The following PDGFB variants were observed in gnomAD, a reference collection of about 807,000 sequenced individuals.
PDGFB encodes platelet-derived growth factor subunit B.
In PDGFB, 6 loss-of-function variants were observed where a neutral mutation model predicts 29.0. That is an observed-to-expected ratio of 0.21 (90% CI 0.11 to 0.41). The LOEUF is 0.41. Among genes scored for constraint, PDGFB ranks in the 10% least tolerant of loss-of-function variants. The pLI, the probability that PDGFB is intolerant of heterozygous loss-of-function variation, is 1.00. For synonymous variants in PDGFB, 144 were observed against 140.8 expected (o/e 1.02, Z -0.16); for missense variants, 299 against 341.8 (o/e 0.87, Z 0.99).
At chr22:39,237,136 G>A (rs1466246957) in intron 1 of PDGFB, among the ~76,000 whole-genome samples, 1 of 152,108 alleles carries the variant, frequency 6.6e-6, no homozygotes, top group African/African-American at 2.4e-5. Context: ...GAGCGAGGGA[G>A]AGGAGAAGAG....
Position 39,231,693 on chromosome 22 carries a change from G to C in PDGFB, c.385C>G (p.Arg129Gly). The C allele has an allele frequency of 6.2e-7, 1 of 1,604,314 alleles. No individual in the cohort carries two copies. Among genetic ancestry groups the C allele is most frequent in the Non-Finnish European group, 8.5e-7 (1 of 1,176,186 alleles). Residue 129 changes from arginine (R) to glycine (G), a missense_variant, in exon 4 of 7, where the codon CGC (arginine) becomes GGC (glycine). Transcript: ENST00000331163. The surrounding 1 kb of genome is among the most constrained non-coding windows in gnomAD (Gnocchi z 4.3). ...CGGTTGTTGCAGCAGCCGGAGCAGC[G>C]CTGCACCTCCACACAGGGCGGCCAC... ...LVWPPCVEVQ[R>G]CSGCCNNRNV...
chr22:39,244,135 C>T lies in PDGFB; in HGVS notation c.-172G>A. On this transcript the variant is annotated 5_prime_UTR_variant, in exon 1 of 7. Coordinates refer to ENST00000331163, the MANE Select transcript of PDGFB (RefSeq NM_002608.4). This position sits in a 1 kb window ranked among gnomAD's most constrained non-coding sequence, Gnocchi z 4.5. ...CCCGCATGGCCCCCGGGCGCCGCCG[C>T]CCCCGGCCCCGGCTCCGTCGCTGGG... 1 of 309,790 alleles carries T rather than the reference C, an allele frequency of 3.2e-6. No homozygotes were observed. 19.2% of individuals were successfully genotyped at this position (309,790 alleles called of 1,614,324 possible).
At chr22:39,234,816 T>C (rs997789861) in intron 2 of PDGFB, among the ~76,000 whole-genome samples, 1 of 152,176 alleles carries the variant, frequency 6.6e-6, no homozygotes, top group African/African-American at 2.4e-5. Context: ...ACCAGGGGTG[T>C]GGAGGGGCCG....
Position 39,244,338 on chromosome 22 carries a change from T to A in PDGFB, c.-375A>T, listed in dbSNP as rs972525036. 5.0e-6 allele frequency: 1 copy of A among 199,764 alleles called. No homozygotes were observed. Among genetic ancestry groups the A allele is most frequent in the African/African-American group, 2.3e-5 (1 of 43,216 alleles). The allele number at this position is 199,764 out of a possible 1,614,324, so 12.4% of individuals were successfully genotyped here. On this transcript the variant is annotated 5_prime_UTR_variant, in exon 1 of 7. Transcript: ENST00000331163. This position sits in a 1 kb window ranked among gnomAD's most constrained non-coding sequence, Gnocchi z 4.5. ...AGAGGAAAAGGAACACGGCAGTCGA[T>A]GGTTCGTCTTCACTCGCCGGCTACA...
Position 39,225,791 on chromosome 22 carries a change from T to TG in PDGFB, c.657dup (p.Lys220GlnfsTer12), listed in dbSNP as rs1274478632. On this transcript the variant is annotated frameshift_variant, in exon 6 of 7. Transcript: ENST00000331163. LOFTEE classifies it high-confidence loss of function. The stretch of plus-strand genomic sequence containing the variant: ...TGCTTGAATTTCCGGTGCTTGCCCT[T>TG]GGGGGGCCGGCGGACTCGCACCGTC... 1 of 1,614,144 alleles carries TG rather than the reference T, an allele frequency of 6.2e-7. No homozygotes were observed. The highest frequency in any genetic ancestry group is 8.5e-7 in the Non-Finnish European group (1 of 1,180,006).
rs1251524431 is a variant in PDGFB, at chr22:39,243,077, G to A, written c.63+824C>T. The A allele has an allele frequency of 4.3e-6, 1 of 233,206 alleles. No homozygotes were observed. The allele number at this position is 233,206 out of a possible 1,614,324, so 14.4% of individuals were successfully genotyped here. A position where few individuals can be genotyped will look rare whatever the true frequency, so the allele number is the denominator to read the frequency against. ...CGGCGCGCTCCGCACCCTGCATGCG[G>A]GGGAGAGAGGTGCTTCCTCCTGCAG... On this transcript the variant is annotated intron_variant, in intron 1 of 6. Transcript: ENST00000331163. The surrounding 1 kb of genome is among the most constrained non-coding windows in gnomAD (Gnocchi z 6.4).
At chr22:39,233,148 CTG>C (rs1448566490) in intron 3 of PDGFB, among the ~76,000 whole-genome samples, 1 of 152,204 alleles carries the variant, frequency 6.6e-6, no homozygotes, top group African/African-American at 2.4e-5. Flanking sequence ...GTTTCCAACT[CTG>C]TGAAATGGGG....
chr22:39,228,893 A>AAAAAAAATATATATATATATAT (rs1184799325), intron 5 of PDGFB, among the ~76,000 whole-genome samples: 2 of 132,520 alleles, frequency 1.5e-5, no homozygotes, highest in Admixed American at 7.6e-5. Context: ...CCTCAAAAAA[A>AAAAAAAATATATATATATATAT]ATATATATAT....
chr22:39,242,704 C>A lies in PDGFB; in HGVS notation c.63+1197G>T, dbSNP rs879914248. ...CAGCCCAAGGCCGGGCCGCGGCCTC[C>A]GAGCCCTCCGCCTTAACCCCTTCGC... On this transcript the variant is annotated intron_variant, in intron 1 of 6. Transcript: ENST00000331163. This position sits in a 1 kb window ranked among gnomAD's most constrained non-coding sequence, Gnocchi z 5.7. Among the ~76,000 whole-genome samples the A allele has an allele frequency of 3.3e-5, 5 of 152,030 alleles. No individual in the cohort carries two copies. The highest frequency in any genetic ancestry group is 1.2e-4 in the African/African-American group (5 of 41,424).
chr22:39,243,508 T>G lies in PDGFB; in HGVS notation c.63+393A>C, dbSNP rs1387358895. ...GGCAAGCCGATGGCAGGACAGAGCC[T>G]AAGCCGAGGCTGGCGCCGAAGTGGG... On this transcript the variant is annotated intron_variant, in intron 1 of 6. Coordinates refer to ENST00000331163, the MANE Select transcript of PDGFB (RefSeq NM_002608.4). The surrounding 1 kb of genome is among the most constrained non-coding windows in gnomAD (Gnocchi z 6.4). 6.6e-6 allele frequency among the ~76,000 whole-genome samples: 1 copy of G among 152,138 alleles called. No homozygotes were observed. Among genetic ancestry groups the G allele is most frequent in the South Asian group, 2.1e-4 (1 of 4,828 alleles).
intron 1 of PDGFB, among the ~76,000 whole-genome samples, chr22:39,241,321 A>T (rs1301010534): frequency 6.6e-6 from 1 of 152,196 alleles, no homozygotes; most frequent in Non-Finnish European, 1.5e-5. Context: ...CTCCACCAGC[A>T]GGCCTGCCCT....
At chr22:39,240,053 C>T (rs923502022) in intron 1 of PDGFB, among the ~76,000 whole-genome samples, 11 of 152,220 alleles carry the variant, frequency 7.2e-5, no homozygotes, top group Non-Finnish European at 1.0e-4. Context: ...GAAGCCCTCT[C>T]GGGGCAAACC....
At chr22:39,234,925 A>G (rs1932404983) in intron 2 of PDGFB, among the ~76,000 whole-genome samples, 2 of 151,692 alleles carry the variant, frequency 1.3e-5, no homozygotes, top group South Asian at 4.2e-4. Flanking sequence ...AGTCGGGCAT[A>G]GGGTGGGGGT....
Position 39,244,235 on chromosome 22 carries a change from T to G in PDGFB, c.-272A>C. On this transcript the variant is annotated 5_prime_UTR_variant, in exon 1 of 7. It removes an upstream start codon present in the reference 5' UTR. Coordinates refer to ENST00000331163, the MANE Select transcript of PDGFB (RefSeq NM_002608.4). This position sits in a 1 kb window ranked among gnomAD's most constrained non-coding sequence, Gnocchi z 4.5. ...GGCGGATCCCGAGCCCGAGTGAGCA[T>G]CCACGGCCGGGGGGCTGCGTCGCGA... is the stretch of plus-strand genomic sequence containing the variant. 1.3e-5 allele frequency: 3 copies of G among 237,074 alleles called. No homozygotes were observed. The highest frequency in any genetic ancestry group is 5.7e-5 in the Admixed American group (1 of 17,646). The allele number at this position is 237,074 out of a possible 1,614,324, so 14.7% of individuals were successfully genotyped here.
rs1932627519 is a variant in PDGFB, at chr22:39,243,801, C to A, written c.63+100G>T. On this transcript the variant is annotated intron_variant, in intron 1 of 6. Coordinates refer to ENST00000331163, the MANE Select transcript of PDGFB (RefSeq NM_002608.4). The surrounding 1 kb of genome is among the most constrained non-coding windows in gnomAD (Gnocchi z 6.4). ...CGCCCGGCGTCAGGCTCGCGGGCTG[C>A]AAGGGTCCAAAGTTCACTGCAGGGA... The A allele has an allele frequency of 2.1e-6, 2 of 946,282 alleles. No individual in the cohort carries two copies. Among genetic ancestry groups the A allele is most frequent in the South Asian group, 3.5e-5 (2 of 57,360 alleles). The allele number at this position is 946,282 out of a possible 1,614,324, so 58.6% of individuals were successfully genotyped here.
chr22:39,228,148 G>A (rs1932209705), intron 5 of PDGFB, among the ~76,000 whole-genome samples: 1 of 140,368 alleles, frequency 7.1e-6, no homozygotes, highest in Non-Finnish European at 1.5e-5. Context: ...CCATGGACAG[G>A]TGACAGAAAC....
Position 39,231,593 on chromosome 22 carries a change from A to G in PDGFB, c.456+29T>C. The G allele has an allele frequency of 6.6e-7, 1 of 1,503,970 alleles. No individual in the cohort carries two copies. The highest frequency in any genetic ancestry group is 1.2e-5 in the South Asian group (1 of 80,452). The allele number at this position is 1,503,970 out of a possible 1,614,324, so 93.2% of individuals were successfully genotyped here. On this transcript the variant is annotated intron_variant, in intron 4 of 6. Transcript: ENST00000331163. This position sits in a 1 kb window ranked among gnomAD's most constrained non-coding sequence, Gnocchi z 4.3. ...GTGGTCTCCACCCACCACCGGGACCAGCCTCGGGGGGCCGCGGAGCCTACG... is the reference window on the plus strand; with the variant it reads ...GTGGTCTCCACCCACCACCGGGACCGGCCTCGGGGGGCCGCGGAGCCTACG...
At chr22:39,232,328 C>T (rs530432465) in intron 3 of PDGFB, among the ~76,000 whole-genome samples, 10 of 152,304 alleles carry the variant, frequency 6.6e-5, no homozygotes, top group African/African-American at 2.2e-4. Context: ...ATAATAACAG[C>T]ACCTCCCTCC....
At chr22:39,237,967 G>A (rs1266494798) in intron 1 of PDGFB, among the ~76,000 whole-genome samples, 1 of 152,234 alleles carries the variant, frequency 6.6e-6, no homozygotes, top group East Asian at 1.9e-4. Context: ...GTGGAGTAAA[G>A]ATTCAATTAA....
Sources: gnomAD v4.1 joint callset for allele counts (sites outside exome capture counted in the v4.1 genomes callset) on GRCh38, gnomAD v4.1.1 for gene constraint, Gnocchi (gnomAD v3.1) non-coding constraint, MANE v1.5 for transcripts, NCBI Gene and HGNC (gene_info 2026-07-23, HGNC 2026-07-21) for gene names.